Variants in DNAJC4 observed in about 807,000 individuals in gnomAD.
DNAJC4 encodes the protein dnaJ homolog subfamily C member 4.
Under a neutral mutation model 26.8 loss-of-function variants are expected in DNAJC4, and 26 were observed. That is an observed-to-expected ratio of 0.97 (90% CI 0.71 to 1.34). DNAJC4 has a LOEUF of 1.34. Ranked by LOEUF, DNAJC4 falls within the 40% of genes most tolerant of loss-of-function variation. The pLI, the probability that DNAJC4 is intolerant of heterozygous loss-of-function variation, is 0.00. For missense variants in DNAJC4, 342 were observed against 321.1 expected, an observed-to-expected ratio of 1.07 and a Z score of -0.50; for synonymous variants, 134 against 127.8, an observed-to-expected ratio of 1.05 and a Z score of -0.33.
chr11:64,230,837 A>G lies in DNAJC4; in HGVS notation c.-18A>G, dbSNP rs1179195844. 6 of 1,591,406 alleles carry G rather than the reference A, an allele frequency of 3.8e-6. No homozygotes were observed. The highest frequency in any genetic ancestry group is 4.3e-6 in the Non-Finnish European group (5 of 1,171,194). On this transcript the variant is annotated 5_prime_UTR_variant, in exon 1 of 6. Coordinates refer to ENST00000628077, the MANE Select transcript of DNAJC4 (RefSeq NM_005528.4). ...TGCGCTCTTGGTAGCCTCCTTTCCC[A>G]GCTGCCCGCCCGCCGCCATGCCGCC...
rs763127418 is a variant in DNAJC4 at position 64,230,632 on chromosome 11, C to G, written c.-223C>G. ...GGGTGGCCAGACCCCGAAGCCAGCG[C>G]TGGGAAGGGCTGCGGATGCCCGGGT... is the stretch of plus-strand genomic sequence containing the variant. On this transcript the variant is annotated 5_prime_UTR_variant, in exon 1 of 6. Transcript: ENST00000628077. 4.9e-5 allele frequency: 32 copies of G among 659,014 alleles called. No homozygotes were observed. The South Asian group carries it at 5.8e-4, about 12-fold the overall frequency. The allele number at this position is 659,014 out of a possible 1,614,324, so 40.8% of individuals were successfully genotyped here. A position where few individuals can be genotyped will look rare whatever the true frequency, so the allele number is the denominator to read the frequency against.
chr11:64,230,708 C>G lies in DNAJC4; in HGVS notation c.-147C>G. 1 of 1,135,664 alleles carries G rather than the reference C, an allele frequency of 8.8e-7. No individual in the cohort carries two copies. Among genetic ancestry groups the G allele is most frequent in the Non-Finnish European group, 1.3e-6 (1 of 792,350 alleles). 70.3% of individuals were successfully genotyped at this position (1,135,664 alleles called of 1,614,324 possible). Reference sequence around the variant, plus strand: ...ACGCGGGTCTGGTCCTGGGCAAGAACCGCCCCCTCTCCGGGCCTGCTTCAG... The same window carrying G: ...ACGCGGGTCTGGTCCTGGGCAAGAAGCGCCCCCTCTCCGGGCCTGCTTCAG... On this transcript the variant is annotated 5_prime_UTR_variant, in exon 1 of 6. Transcript: ENST00000628077.
chr11:64,230,527 G>A (rs1947159499), upstream of DNAJC4: 5 of 597,938 alleles, frequency 8.4e-6, no homozygotes, highest in East Asian at 3.5e-5. Context: ...GTGAGCAGCG[G>A]GGGCGGGGCC....
intron 2 of DNAJC4, 162 bp from the exon 3 acceptor site, chr11:64,232,268 C>G (rs1185230724): frequency 7.7e-6 from 7 of 914,110 alleles, no homozygotes; most frequent in Non-Finnish European, 6.4e-6. Flanking sequence ...AAGCAGGAGT[C>G]CATGCTCTCT....
Position 64,232,559 on chromosome 11 carries a change from C to G in DNAJC4, c.310C>G (p.Pro104Ala). Reference sequence around the variant, plus strand: ...TGATGACCAGCTCCGCTCAGGTAGTCCCCCAAAGTCTCCACGAACCACAGT... The same window carrying G: ...TGATGACCAGCTCCGCTCAGGTAGTGCCCCAAAGTCTCCACGAACCACAGT... ...SYDDQLRSGS[P>A]PKSPRTTVHD... Residue 104 changes from proline (P) to alanine (A), a missense_variant, in exon 3 of 6, where the codon CCC becomes GCC. Physicochemically the swap from Pro to Ala is conservative, Grantham distance 27. Transcript: ENST00000628077. 1 of 1,612,104 alleles carries G rather than the reference C, an allele frequency of 6.2e-7. No individual in the cohort carries two copies. The highest frequency in any genetic ancestry group is 1.1e-5 in the South Asian group (1 of 90,978).
At chr11:64,232,253 G>C (rs1947185737) in intron 2 of DNAJC4, 177 bp from the exon 3 acceptor site, 1 of 829,466 alleles carries the variant, frequency 1.2e-6, no homozygotes, top group Non-Finnish European at 1.8e-6. Context: ...CTTGAACACA[G>C]GAGGAAGCAG....
upstream of DNAJC4, chr11:64,230,518 T>C (rs1947159318): frequency 5.1e-6 from 3 of 586,614 alleles, no homozygotes; most frequent in African/African-American, 1.8e-5. Context: ...CGCGGGTCTG[T>C]GAGCAGCGGG....
intron 1 of DNAJC4, chr11:64,231,194 G>A: frequency 1.5e-6 from 1 of 651,458 alleles, no homozygotes; most frequent in Non-Finnish European, 2.8e-6. Flanking sequence ...TCCAAGCATC[G>A]CTGTATCACT....
chr11:64,231,878 C>T lies in DNAJC4; in HGVS notation c.94C>T (p.Pro32Ser). Reference sequence around the variant, plus strand: ...TTGGGACTCTGTCCACAGGTCCAGACCCAGTACTTATTATGAACTGTTGGG... The same window carrying T: ...TTGGGACTCTGTCCACAGGTCCAGATCCAGTACTTATTATGAACTGTTGGG... ...LGAAAGQRSR[P>S]STYYELLGVH... is the part of the protein sequence containing the mutation. Residue 32 changes from proline to serine, a missense_variant, in exon 2 of 6, where the codon CCC becomes TCC. Pro to Ser is a moderately conservative substitution (Grantham distance 74). Coordinates refer to ENST00000628077, the MANE Select transcript of DNAJC4 (RefSeq NM_005528.4). The T allele has an allele frequency of 6.2e-7, 1 of 1,614,076 alleles. No homozygotes were observed. Among genetic ancestry groups the T allele is most frequent in the Non-Finnish European group, 8.5e-7 (1 of 1,180,002 alleles).
chr11:64,231,648 G>C, intron 1 of DNAJC4: 1 of 517,362 alleles, frequency 1.9e-6, no homozygotes, highest in Non-Finnish European at 3.4e-6. Context: ...CCAGGAATCA[G>C]TTTTTTCCAA....
chr11:64,233,614 G>A, intron 4 of DNAJC4: 1 of 508,406 alleles, frequency 2.0e-6, no homozygotes, highest in Non-Finnish European at 3.5e-6. Flanking sequence ...TTCAGTGATG[G>A]AGTTAGACGC....
rs117464526 is a variant in DNAJC4, at chr11:64,232,547, C to T, written c.298C>T (p.Arg100Cys). 105 of 1,612,966 alleles carry T rather than the reference C, an allele frequency of 6.5e-5. No individual in the cohort carries two copies. The East Asian group carries it at 7.6e-4, about 12-fold the overall frequency. The change falls in exon 3 of 6, where the codon CGC (arginine) becomes TGC (cysteine). Residue 100 changes from arginine to cysteine, a missense_variant. Arg to Cys is a radical substitution (Grantham distance 180). Transcript: ENST00000628077. ...QSRRSYDDQLRSGSPPKSPRT... is the reference protein window; with the variant it reads ...QSRRSYDDQLCSGSPPKSPRT... ...CCGCCGCAGCTATGATGACCAGCTC[C>T]GCTCAGGTAGTCCCCCAAAGTCTCC...
At position 64,232,924 on chromosome 11, in the gene DNAJC4, T is replaced by C. The variant is rs968113732; in HGVS notation, c.527+59T>C. 2.6e-5 allele frequency: 39 copies of C among 1,501,656 alleles called. No individual in the cohort carries two copies. In the Middle Eastern group the frequency reaches 5.3e-4, roughly 21 times the overall value. 93.0% of individuals were successfully genotyped at this position (1,501,656 alleles called of 1,614,324 possible). Reference sequence around the variant, plus strand: ...GGGCAGGAGGGTGGGTGAATTCCAGTGTGGTCAGCCAGTCCTCCACAGCAC... The same window carrying C: ...GGGCAGGAGGGTGGGTGAATTCCAGCGTGGTCAGCCAGTCCTCCACAGCAC... On this transcript the variant is annotated intron_variant, in intron 4 of 5. Coordinates refer to ENST00000628077, the MANE Select transcript of DNAJC4 (RefSeq NM_005528.4).
chr11:64,231,059 C>T (rs1311378178), intron 1 of DNAJC4, 119 bp downstream of exon 1: 2 of 1,247,176 alleles, frequency 1.6e-6, no homozygotes, highest in African/African-American at 1.5e-5. Flanking sequence ...CTCAGGTAAC[C>T]CTCGCCTTCC....
intron 1 of DNAJC4, chr11:64,231,275 C>T (rs1292434159): frequency 4.9e-6 from 2 of 407,126 alleles, no homozygotes; most frequent in Non-Finnish European, 9.1e-6. Flanking sequence ...CTGGGCTCTG[C>T]TCTGGAGATT....
Position 64,230,726 on chromosome 11 carries a change from T to C in DNAJC4, c.-129T>C, listed in dbSNP as rs1947162563. On this transcript the variant is annotated 5_prime_UTR_variant, in exon 1 of 6. Transcript: ENST00000628077. ...GCAAGAACCGCCCCCTCTCCGGGCC[T>C]GCTTCAGTCTTCCTTTGCAGAACAA... is the stretch of plus-strand genomic sequence containing the variant. 1.5e-6 allele frequency: 2 copies of C among 1,317,968 alleles called. No individual in the cohort carries two copies. Among genetic ancestry groups the C allele is most frequent in the Non-Finnish European group, 1.0e-6 (1 of 952,380 alleles). 81.6% of individuals were successfully genotyped at this position (1,317,968 alleles called of 1,614,324 possible).
At chr11:64,233,645 G>T (rs1048378087) in intron 4 of DNAJC4, 1 of 574,496 alleles carries the variant, frequency 1.7e-6, no homozygotes, top group African/African-American at 1.9e-5. Flanking sequence ...TAGTCTTCTG[G>T]GAGGAGCACC....
Position 64,232,490 on chromosome 11 carries a change from G to A in DNAJC4, c.241G>A (p.Glu81Lys), listed in dbSNP as rs528878768. 1.3e-5 allele frequency: 21 copies of A among 1,611,138 alleles called. No individual in the cohort carries two copies. Among genetic ancestry groups the A allele is most frequent in the East Asian group, 2.2e-5 (1 of 44,814 alleles). ...SLHSRFVELS[E>K]AYRVLSREQS... ...GCACAGCCGCTTTGTGGAGCTGAGC[G>A]AGGCATACCGTGTGCTCAGCCGTGA... is the stretch of plus-strand genomic sequence containing the variant. The change falls in exon 3 of 6, where the codon GAG becomes AAG. Residue 81 changes from glutamate (E) to lysine (K), a missense_variant. Coordinates refer to ENST00000628077, the MANE Select transcript of DNAJC4 (RefSeq NM_005528.4).
At position 64,230,600 on chromosome 11, in the gene DNAJC4, C is replaced by T. The variant is rs1055140494; in HGVS notation, c.-255C>T. The T allele has an allele frequency of 1.6e-6, 1 of 612,754 alleles. No individual in the cohort carries two copies. The highest frequency in any genetic ancestry group is 1.8e-5 in the South Asian group (1 of 55,198). 38.0% of individuals were successfully genotyped at this position (612,754 alleles called of 1,614,324 possible). ...TGGGTGGGAACGGGGTCTTGGGGTC[C>T]CTGGCTGGGTGGCCAGACCCCGAAG... is the stretch of plus-strand genomic sequence containing the variant. On this transcript the variant is annotated 5_prime_UTR_variant, in exon 1 of 6. Coordinates refer to ENST00000628077, the MANE Select transcript of DNAJC4 (RefSeq NM_005528.4).
Sources: gnomAD v4.1 joint callset for allele counts on GRCh38, gnomAD v4.1.1 for gene constraint, MANE v1.5 for transcripts, NCBI Gene and HGNC (gene_info 2026-07-23, HGNC 2026-07-21) for gene names.